The following VILL variants were observed in gnomAD, a reference collection of about 807,000 sequenced individuals.
The protein encoded by VILL is villin-like protein.
Under a neutral mutation model 106.3 loss-of-function variants are expected in VILL, and 102 were observed. That is an observed-to-expected ratio of 0.96 (90% confidence interval 0.82 to 1.13). The LOEUF (loss-of-function observed/expected upper bound fraction) is 1.13. Among genes scored for constraint, VILL ranks in the 50% most tolerant of loss-of-function variants. The pLI, the probability that VILL is intolerant of heterozygous loss-of-function variation, is 0.00. For missense variants in VILL, 1,076 were observed against 1,116.6 expected, an observed-to-expected ratio of 0.96 and a Z score of 0.52; for synonymous variants, 431 against 440.3, an observed-to-expected ratio of 0.98 and a Z score of 0.27.
chr3:37,994,427 A>AT lies in VILL; in HGVS notation c.302_303insT (p.Glu101AspfsTer23). The AT allele has an allele frequency of 6.2e-7, 1 of 1,612,734 alleles. No individual in the cohort carries two copies. Reference sequence around the variant, plus strand: ...CTGCACCGCGAGGCGCAGGGCCACGAGTCCGACTGCTTCTGCAGCTACTTC... The same window carrying AT: ...CTGCACCGCGAGGCGCAGGGCCACGATGTCCGACTGCTTCTGCAGCTACTTC... On this transcript the variant is annotated frameshift_variant, in exon 4 of 20. Transcript: ENST00000383759. LOFTEE classifies it high-confidence loss of function.
intron 16 of VILL, 83 bp downstream of exon 16, chr3:38,004,482 A>G: frequency 6.5e-7 from 1 of 1,536,982 alleles, no homozygotes; most frequent in South Asian, 1.2e-5. Context: ...GTATCTAGCC[A>G]TCTGCCTCTG....
At position 38,004,272 on chromosome 3, in the gene VILL, C is replaced by G; in HGVS notation, c.1823C>G (p.Pro608Arg). Residue 608 changes from proline (P) to arginine (R), a missense_variant, in exon 16 of 20, where the codon CCC becomes CGC. Physicochemically the swap from Pro to Arg is moderately radical, Grantham distance 103 (BLOSUM62 -2). Transcript: ENST00000383759. ...CTGGCCAGGCTCCCTGAGGAGGTCCCCAGCTTCCAGCCACGACTGTTTGAG... is the reference window on the plus strand; with the variant it reads ...CTGGCCAGGCTCCCTGAGGAGGTCCGCAGCTTCCAGCCACGACTGTTTGAG... ...PSNKRLPEEV[P>R]SFQPRLFECS... 6.2e-7 allele frequency: 1 copy of G among 1,612,322 alleles called. No individual in the cohort carries two copies. The highest frequency in any genetic ancestry group is 8.5e-7 in the Non-Finnish European group (1 of 1,178,492).
chr3:37,988,223 A>G (rs539440888), upstream of VILL: 1 of 152,408 alleles, frequency 6.6e-6, no homozygotes, highest in South Asian at 2.1e-4. Context: ...ACAAGGAATC[A>G]TATTGCCAGA....
chr3:37,989,143 C>A (rs1192544920), upstream of VILL, among the ~76,000 whole-genome samples: 1 of 152,020 alleles, frequency 6.6e-6, no homozygotes, highest in African/African-American at 2.4e-5. Context: ...CAGTGGCTTG[C>A]GGGAGAGAGA....
Position 37,994,288 on chromosome 3 carries a change from G to T in VILL, c.163G>T (p.Gly55Trp). 1 of 1,610,860 alleles carries T rather than the reference G, an allele frequency of 6.2e-7. No individual in the cohort carries two copies. Residue 55 changes from glycine (G) to tryptophan (W), a missense_variant, in exon 4 of 20, where the codon GGG (glycine) becomes TGG (tryptophan). Physicochemically the swap from Gly to Trp is radical, Grantham distance 184. Coordinates refer to ENST00000383759, the MANE Select transcript of VILL (RefSeq NM_015873.4). ...HVPQSPKATQ[G>W]ASSDLHYWVG... ...CCCCCAGAGCCCGAAGGCCACGCAG[G>T]GGGCGTCCAGCGACCTGCACTACTG...
intron 17 of VILL, 52 bp from the exon 18 acceptor site, chr3:38,006,129 G>T: frequency 6.2e-7 from 1 of 1,612,988 alleles, no homozygotes; most frequent in Non-Finnish European, 8.5e-7. Flanking sequence ...TGTCCCATTG[G>T]TGCCCCCTTC....
In VILL at chr3:38,005,783, G is replaced by A. The variant is rs762428003; in HGVS notation, c.1951-9G>A. ...ACCTGCCCAAGGCCAGGTCCCCTCT[G>A]TGGCTCAGATCTTCCTGTGGCTTGG... On this transcript the variant is annotated splice_polypyrimidine_tract_variant and intron_variant, in intron 16 of 19. Coordinates refer to ENST00000383759, the MANE Select transcript of VILL (RefSeq NM_015873.4). The A allele has an allele frequency of 1.2e-6, 2 of 1,603,988 alleles. No homozygotes were observed. Among genetic ancestry groups the A allele is most frequent in the Middle Eastern group, 1.8e-4 (1 of 5,542 alleles).
At chr3:38,003,026 T>G (rs1038653431) in intron 14 of VILL, 142 bp from the exon 15 acceptor site, 49 of 1,070,022 alleles carry the variant, frequency 4.6e-5, no homozygotes, top group Admixed American at 1.1e-4. Flanking sequence ...GGAAGATGCC[T>G]TGTTCACTGG....
rs760624716 is a variant in VILL at position 38,005,903 on chromosome 3, C to G, written c.2062C>G (p.Leu688Val). 1.9e-6 allele frequency: 3 copies of G among 1,614,172 alleles called. No individual in the cohort carries two copies. The East Asian group carries it at 6.7e-5, about 36-fold the overall frequency. ...AGRSPATPIV[L>V]VKQGHEPPTF... ...GAGGAGCCCGGCCACACCCATCGTGCTGGTCAAGCAGGGCCATGAGCCTCC... is the reference window on the plus strand; with the variant it reads ...GAGGAGCCCGGCCACACCCATCGTGGTGGTCAAGCAGGGCCATGAGCCTCC... The change falls in exon 17 of 20, where the codon CTG becomes GTG. Residue 688 changes from leucine to valine, a missense_variant. Transcript: ENST00000383759.
In VILL at chr3:37,994,439, T is replaced by C; in HGVS notation, c.314T>C (p.Phe105Ser). 1 of 1,612,586 alleles carries C rather than the reference T, an allele frequency of 6.2e-7. No homozygotes were observed. Among genetic ancestry groups the C allele is most frequent in the Non-Finnish European group, 8.5e-7 (1 of 1,179,842 alleles). The part of the protein sequence containing the change: ...REAQGHESDC[F>S]CSYFRPGIIY... Reference sequence around the variant, plus strand: ...GCGCAGGGCCACGAGTCCGACTGCTTCTGCAGCTACTTCCGCCCGGGAATC... The same window carrying C: ...GCGCAGGGCCACGAGTCCGACTGCTCCTGCAGCTACTTCCGCCCGGGAATC... The change falls in exon 4 of 20, where the codon TTC becomes TCC. Residue 105 changes from phenylalanine (F) to serine (S), a missense_variant. Phe to Ser is a radical substitution (Grantham distance 155, BLOSUM62 -2). Transcript: ENST00000383759.
In VILL at chr3:37,998,304, TG is replaced by T. The variant is rs780643428; in HGVS notation, c.883del (p.Val295CysfsTer37). The part of the protein sequence containing the change: ...ILDQGGFKIY[V>X]WQGRMSSLQE... ...TGGACCAGGGTGGCTTCAAGATCTA[TG>T]TGTGGCAGGGACGCATGTCTAGCCT... On this transcript the variant is annotated frameshift_variant, in exon 9 of 20. Transcript: ENST00000383759. LOFTEE classifies it high-confidence loss of function. This position sits in a 1 kb window ranked among gnomAD's most constrained non-coding sequence, Gnocchi z 4.1. The T allele has an allele frequency of 6.2e-7, 1 of 1,614,084 alleles. No homozygotes were observed. Among genetic ancestry groups the T allele is most frequent in the South Asian group, 1.1e-5 (1 of 91,084 alleles).
intron 15 of VILL, 83 bp from the exon 16 acceptor site, chr3:38,004,172 C>A: frequency 6.5e-7 from 1 of 1,527,916 alleles, no homozygotes; most frequent in Non-Finnish European, 8.8e-7. Flanking sequence ...AAGTGGCTTC[C>A]CAGGCCCTGG....
At chr3:37,995,272 A>G (rs1699680181) in intron 4 of VILL, among the ~76,000 whole-genome samples, 1 of 152,252 alleles carries the variant, frequency 6.6e-6, no homozygotes, top group South Asian at 2.1e-4. Flanking sequence ...CATACAGTTG[A>G]ACCTATATAT....
chr3:38,002,427 C>T lies in VILL; in HGVS notation c.1511C>T (p.Ser504Leu). ...ERAGHHGKGQ[S>L]ASTTRLFQVQ... The stretch of plus-strand genomic sequence containing the variant: ...GCTGGGCACCATGGAAAGGGGCAGT[C>T]AGCATCCACCACAAGGCTTTTCCAA... Residue 504 changes from serine to leucine, a missense_variant, in exon 14 of 20, where the codon TCA becomes TTA. Coordinates refer to ENST00000383759, the MANE Select transcript of VILL (RefSeq NM_015873.4). The T allele has an allele frequency of 6.2e-7, 1 of 1,613,614 alleles. No homozygotes were observed. The highest frequency in any genetic ancestry group is 1.1e-5 in the South Asian group (1 of 91,006).
Position 37,998,388 on chromosome 3 carries a change from G to C in VILL, c.942+24G>C, listed in dbSNP as rs1428286007. The C allele has an allele frequency of 1.2e-6, 2 of 1,608,744 alleles. No homozygotes were observed. The highest frequency in any genetic ancestry group is 2.2e-5 in the South Asian group (2 of 90,910). On this transcript the variant is annotated intron_variant, in intron 9 of 19. Transcript: ENST00000383759. The surrounding 1 kb of genome is among the most constrained non-coding windows in gnomAD (Gnocchi z 4.1). ...TGGTGAGCCCTGGGGCTCTGTCTGA[G>C]AGGAACAGAGCACTGCCCTGGGGTC...
chr3:37,990,167 T>C (rs1030547898), upstream of VILL, among the ~76,000 whole-genome samples: 1 of 152,114 alleles, frequency 6.6e-6, no homozygotes, highest in African/African-American at 2.4e-5. The surrounding 1 kb of genome is among the most constrained non-coding windows in gnomAD (Gnocchi z 5.1). Flanking sequence ...AGAGTGGCAG[T>C]GGAGTGGCAG....
chr3:37,998,798 T>C lies in VILL; in HGVS notation c.943-114T>C, dbSNP rs1219391781. 6.9e-7 allele frequency: 1 copy of C among 1,447,226 alleles called. No individual in the cohort carries two copies. The highest frequency in any genetic ancestry group is 1.4e-5 in the African/African-American group (1 of 69,722). The allele number at this position is 1,447,226 out of a possible 1,614,324, so 89.6% of individuals were successfully genotyped here. ...TCAATTCGCTAAGTGGGTCATGAGC[T>C]CGGTTAATTAACGCTTCTTGGAGCT... On this transcript the variant is annotated intron_variant, in intron 9 of 19. Transcript: ENST00000383759. This position sits in a 1 kb window ranked among gnomAD's most constrained non-coding sequence, Gnocchi z 4.1.
intron 11 of VILL, among the ~76,000 whole-genome samples, chr3:38,000,357 AAGAG>A (rs1046403292): frequency 6.6e-6 from 1 of 151,794 alleles, no homozygotes; most frequent in Non-Finnish European, 1.5e-5. Context: ...AAGGAGCACA[AAGAG>A]AGACAGAGAA....
At chr3:37,989,364 T>C (rs1267187252), upstream of VILL, among the ~76,000 whole-genome samples, 1 of 152,146 alleles carries the variant, frequency 6.6e-6, no homozygotes, top group African/African-American at 2.4e-5. Flanking sequence ...CACTGGCGTT[T>C]CCATGCTATT....
Sources: gnomAD v4.1 joint callset for allele counts (sites outside exome capture counted in the v4.1 genomes callset) on GRCh38, gnomAD v4.1.1 for gene constraint, Gnocchi (gnomAD v3.1) non-coding constraint, MANE v1.5 for transcripts, NCBI Gene and HGNC (gene_info 2026-07-23, HGNC 2026-07-21) for gene names.